Variants in HSPA12A observed in about 807,000 individuals in gnomAD.
HSPA12A encodes heat shock 70 kDa protein 12A.
In HSPA12A, 28 loss-of-function variants were observed where a neutral mutation model predicts 69.2. That is an observed-to-expected ratio of 0.40 (90% CI 0.30 to 0.55). HSPA12A has a LOEUF of 0.55. Ranked by LOEUF, HSPA12A falls within the 20% of genes least tolerant of loss-of-function variation. HSPA12A has a pLI of 0.38. For synonymous variants in HSPA12A, 345 were observed against 370.5 expected, an observed-to-expected ratio of 0.93 and a Z score of 0.79; for missense variants, 686 against 900.7, an observed-to-expected ratio of 0.76 and a Z score of 3.05.
intron 6 of HSPA12A, among the ~76,000 whole-genome samples, chr10:116,690,510 A>G (rs1426019382): frequency 6.6e-6 from 1 of 152,224 alleles, no homozygotes; most frequent in Non-Finnish European, 1.5e-5. Context: ...TCAAAAACGA[A>G]GCTGCAAAAA....
intron 2 of HSPA12A, chr10:116,831,609 T>C (rs976242123): frequency 6.6e-6 from 1 of 152,196 alleles, no homozygotes; most frequent in Non-Finnish European, 1.5e-5. Context: ...ATTTCACCTT[T>C]CCGGGGTCCC....
intron 2 of HSPA12A, among the ~76,000 whole-genome samples, chr10:116,748,417 A>C (rs955414791): frequency 2.0e-4 from 30 of 152,200 alleles, no homozygotes; most frequent in African/African-American, 7.0e-4. Context: ...AAAACCCCAG[A>C]GTTAGGAATG....
intron 6 of HSPA12A, 57 bp downstream of exon 6, chr10:116,692,294 C>T: frequency 7.2e-7 from 1 of 1,380,922 alleles, no homozygotes; most frequent in Non-Finnish European, 1.0e-6. Flanking sequence ...CAGTCACCAC[C>T]CTGGACATCT....
chr10:116,736,792 G>T (rs1242751117), intron 1 of HSPA12A, among the ~76,000 whole-genome samples: 1 of 152,132 alleles, frequency 6.6e-6, no homozygotes, highest in Non-Finnish European at 1.5e-5. Context: ...TTTAGCCCAG[G>T]GAGACCCATT....
At chr10:116,676,213 C>A (rs1554877677) in intron 11 of HSPA12A, among the ~76,000 whole-genome samples, 186 bp downstream of exon 11, 1 of 152,180 alleles carries the variant, frequency 6.6e-6, no homozygotes, top group Non-Finnish European at 1.5e-5. Flanking sequence ...GGAGAGGGAT[C>A]CAGAGCCTAT....
intron 2 of HSPA12A, among the ~76,000 whole-genome samples, chr10:116,825,989 C>T (rs149802878): frequency 1.8e-3 from 279 of 152,242 alleles, no homozygotes; most frequent in African/African-American, 6.4e-3. Context: ...GAAAGGCTTC[C>T]GGGGAGAAGC....
intron 2 of HSPA12A, among the ~76,000 whole-genome samples, chr10:116,825,372 A>G (rs768615979): frequency 6.6e-6 from 1 of 151,706 alleles, no homozygotes; most frequent in Non-Finnish European, 1.5e-5. Context: ...TTACCAGGGC[A>G]TGGTGGCTCG....
In HSPA12A at chr10:116,675,497, G is replaced by T; in HGVS notation, c.1391-79C>A. On this transcript the variant is annotated intron_variant, in intron 11 of 11. Coordinates refer to ENST00000369209, the MANE Select transcript of HSPA12A (RefSeq NM_025015.3). The surrounding 1 kb of genome is among the most constrained non-coding windows in gnomAD (Gnocchi z 5.2). The stretch of plus-strand genomic sequence containing the variant: ...GGGGAACTGGGCTGCCTGCATCTGT[G>T]GGGAACGGATAAAGCCACTTGGGCC... 6.9e-7 allele frequency: 1 copy of T among 1,444,018 alleles called. No individual in the cohort carries two copies. The allele number at this position is 1,444,018 out of a possible 1,614,324, so 89.5% of individuals were successfully genotyped here.
intron 2 of HSPA12A, among the ~76,000 whole-genome samples, chr10:116,766,582 A>G (rs1844081865): frequency 6.6e-6 from 1 of 152,154 alleles, no homozygotes; most frequent in African/African-American, 2.4e-5. Context: ...CATTCAGAAG[A>G]AAGTTCATTG....
rs537038895 is a variant in HSPA12A at position 116,848,926 on chromosome 10, T to C, written c.3+640A>G. ...TCCCAGAGAAGGGCAAGTGGCCGTT[T>C]CTCTCCTGGACATCATAGCAGGCCC... On this transcript the variant is annotated intron_variant, in intron 1 of 12. Transcript: ENST00000635765. Among the ~76,000 whole-genome samples the C allele has an allele frequency of 8.7e-4, 132 of 152,216 alleles. 1 individual carries two copies. The highest frequency in any genetic ancestry group is 3.1e-3 in the African/African-American group (128 of 41,528).
chr10:116,788,257 TG>T (rs890975524), intron 2 of HSPA12A, among the ~76,000 whole-genome samples: 8 of 152,142 alleles, frequency 5.3e-5, no homozygotes, highest in Admixed American at 2.0e-4. Flanking sequence ...GTGGTGGAGC[TG>T]GTGAACTGCG....
At chr10:116,759,527 T>G (rs1411040019) in intron 2 of HSPA12A, among the ~76,000 whole-genome samples, 2 of 152,240 alleles carry the variant, frequency 1.3e-5, no homozygotes, top group Non-Finnish European at 2.9e-5. Flanking sequence ...TAAGTGGATC[T>G]GGGCTTACCT....
intron 2 of HSPA12A, among the ~76,000 whole-genome samples, chr10:116,781,543 T>C (rs533303593): frequency 6.6e-6 from 1 of 152,268 alleles, no homozygotes; most frequent in Non-Finnish European, 1.5e-5. Context: ...CCCACAGCCC[T>C]GGGTCCAAGG....
In HSPA12A at chr10:116,775,610, C is replaced by G. The variant is rs1359290240; in HGVS notation, c.91+59325G>C. 3.9e-5 allele frequency among the ~76,000 whole-genome samples: 6 copies of G among 152,320 alleles called. No homozygotes were observed. The East Asian group carries it at 1.2e-3, about 29-fold the overall frequency. On this transcript the variant is annotated intron_variant, in intron 2 of 12. Transcript: ENST00000635765. Reference sequence around the variant, plus strand: ...TGGAAGAAGGACCTCCCGCCTCTCCCCACAGGAGTGCTGGGTGAGCCCTGA... The same window carrying G: ...TGGAAGAAGGACCTCCCGCCTCTCCGCACAGGAGTGCTGGGTGAGCCCTGA...
At chr10:116,777,814 A>G (rs2441785) in intron 2 of HSPA12A, among the ~76,000 whole-genome samples, 136,259 of 152,252 alleles carry the variant, frequency 0.89, 62,217 homozygotes, top group Non-Finnish European at 0.99. Flanking sequence ...TGCAATCTCC[A>G]CCTCCTGGGT....
Position 116,683,782 on chromosome 10 carries a change from C to T in HSPA12A, c.835+9G>A. The T allele has an allele frequency of 2.6e-6, 4 of 1,527,018 alleles. No homozygotes were observed. The highest frequency in any genetic ancestry group is 3.6e-6 in the Non-Finnish European group (4 of 1,120,182). 94.6% of individuals were successfully genotyped at this position (1,527,018 alleles called of 1,614,324 possible). ...GAGAGCAGGAGGGGGAGAGAGAGAGCAGAGGTACCCTGTGTAAACCCAGCT... is the reference window on the plus strand; with the variant it reads ...GAGAGCAGGAGGGGGAGAGAGAGAGTAGAGGTACCCTGTGTAAACCCAGCT... On this transcript the variant is annotated intron_variant, in intron 7 of 11. Coordinates refer to ENST00000369209, the MANE Select transcript of HSPA12A (RefSeq NM_025015.3).
chr10:116,760,136 G>T (rs1256787880), intron 2 of HSPA12A, among the ~76,000 whole-genome samples: 1 of 152,154 alleles, frequency 6.6e-6, no homozygotes, highest in African/African-American at 2.4e-5. Context: ...TCTGAAGGAT[G>T]AGCTCTTCCT....
chr10:116,757,519 T>TAG (rs1490011215), intron 2 of HSPA12A, among the ~76,000 whole-genome samples: 1 of 152,206 alleles, frequency 6.6e-6, no homozygotes, highest in Non-Finnish European at 1.5e-5. Flanking sequence ...ACTCCAGAGT[T>TAG]ACATTCATCA....
intron 2 of HSPA12A, among the ~76,000 whole-genome samples, chr10:116,788,423 A>G (rs941715226): frequency 6.6e-6 from 1 of 152,376 alleles, no homozygotes; most frequent in Non-Finnish European, 1.5e-5. Flanking sequence ...CTGGTTCCCA[A>G]CTAACTCTTC....
Sources: allele counts gnomAD v4.1 joint callset (sites outside exome capture counted in the v4.1 genomes callset), GRCh38; gene constraint gnomAD v4.1.1; non-coding constraint Gnocchi (gnomAD v3.1); transcripts MANE v1.5; gene names NCBI Gene and HGNC (gene_info 2026-07-23, HGNC 2026-07-21).